Variants in PEX3 observed in about 807,000 individuals in gnomAD.
PEX3 encodes peroxisomal biogenesis factor 3, also known as peroxin-3.
Under a neutral mutation model 55.8 loss-of-function variants are expected in PEX3, and 30 were observed. That is an observed-to-expected ratio of 0.54 (90% CI 0.40 to 0.73). The LOEUF (loss-of-function observed/expected upper bound fraction) is 0.73, where lower values mean the gene tolerates loss of function less well. Among genes scored for constraint, PEX3 ranks in the 30% least tolerant of loss-of-function variants. The pLI, the probability that PEX3 is intolerant of heterozygous loss-of-function variation, is 0.00. For synonymous variants in PEX3, 135 were observed against 148.4 expected (o/e 0.91, Z 0.66); for missense variants, 351 against 432.8 (o/e 0.81, Z 1.68).
chr6:143,456,169 T>C (rs1336147333), intron 1 of PEX3, among the ~76,000 whole-genome samples: 1 of 152,204 alleles, frequency 6.6e-6, no homozygotes, highest in Non-Finnish European at 1.5e-5. Flanking sequence ...ATATTGAGGA[T>C]GAAGAAATTT....
At chr6:143,460,812 T>C (rs1452405956) in intron 2 of PEX3, among the ~76,000 whole-genome samples, 3 of 144,328 alleles carry the variant, frequency 2.1e-5, no homozygotes, top group African/African-American at 7.8e-5. Context: ...TGCGGTGAGC[T>C]GACATCACAC....
At chr6:143,474,458 C>CAA (rs569947921) in intron 8 of PEX3, among the ~76,000 whole-genome samples, 5 of 66,026 alleles carry the variant, frequency 7.6e-5, no homozygotes, top group Admixed American at 1.8e-4. Context: ...GACTCCGTCT[C>CAA]AAAAAAAAAA....
chr6:143,479,180 A>G lies in PEX3; in HGVS notation c.923A>G (p.His308Arg), dbSNP rs775058985. 24 of 1,605,892 alleles carry G rather than the reference A, an allele frequency of 1.5e-5. No individual in the cohort carries two copies. Among genetic ancestry groups the G allele is most frequent in the East Asian group, 6.7e-5 (3 of 44,740 alleles). Residue 308 changes from histidine (H) to arginine (R), a missense_variant, in exon 10 of 12, where the codon CAT becomes CGT. By Grantham distance (29) the His-to-Arg change is conservative. Transcript: ENST00000367591. The surrounding 1 kb of genome is among the most constrained non-coding windows in gnomAD (Gnocchi z 4.6). ...FFRPTEQDLQ[H>R]GNSMNSLSSV... ...CGACCTACTGAACAGGACCTGCAAC[A>G]TGGTAACTCTATGAATAGGTAAGAT...
rs762364732 is a variant in PEX3 at position 143,479,070 on chromosome 6, A to G, written c.819-6A>G. The stretch of plus-strand genomic sequence containing the variant: ...AAAAGTAACTTATACTTCTTACTTT[A>G]TATAGCCCAGATTTTAGTACAGTTT... On this transcript the variant is annotated splice_region_variant and splice_polypyrimidine_tract_variant and intron_variant, in intron 9 of 11. Transcript: ENST00000367591. This position sits in a 1 kb window ranked among gnomAD's most constrained non-coding sequence, Gnocchi z 4.6. 47 of 1,544,734 alleles carry G rather than the reference A, an allele frequency of 3.0e-5. 2 individuals are homozygous for G. In the South Asian group the frequency reaches 4.8e-4, roughly 16 times the overall value.
rs970842403 is a variant in PEX3, at chr6:143,458,263, T to C, written c.74-822T>C. On this transcript the variant is annotated intron_variant, in intron 1 of 11. Coordinates refer to ENST00000367591, the MANE Select transcript of PEX3 (RefSeq NM_003630.3). The surrounding 1 kb of genome is among the most constrained non-coding windows in gnomAD (Gnocchi z 6.1). ...ATCATACTGCCTATGCTGAAATCTG[T>C]TAAATCACAGGCCACATGACACCAC... Among the ~76,000 whole-genome samples, 1 of 152,176 alleles carries C rather than the reference T, an allele frequency of 6.6e-6. No homozygotes were observed. Among genetic ancestry groups the C allele is most frequent in the African/African-American group, 2.4e-5 (1 of 41,460 alleles).
In PEX3 at chr6:143,450,971, G is replaced by A. The variant is rs1779750288; in HGVS notation, c.-72G>A. ...CGCTCTTGCTGGGTCATCTGGGCCA[G>A]GTGACGAAGAAACAGTTTCCTGGTG... is the stretch of plus-strand genomic sequence containing the variant. On this transcript the variant is annotated 5_prime_UTR_variant, in exon 1 of 12. Transcript: ENST00000367591. 8.8e-7 allele frequency: 1 copy of A among 1,136,550 alleles called. No individual in the cohort carries two copies. Among genetic ancestry groups the A allele is most frequent in the African/African-American group, 1.5e-5 (1 of 65,930 alleles). 70.4% of individuals were successfully genotyped at this position (1,136,550 alleles called of 1,614,324 possible).
chr6:143,463,143 T>G lies in PEX3; in HGVS notation c.287+146T>G. 1 of 658,888 alleles carries G rather than the reference T, an allele frequency of 1.5e-6. No homozygotes were observed. The highest frequency in any genetic ancestry group is 2.7e-6 in the Non-Finnish European group (1 of 367,694). 40.8% of individuals were successfully genotyped at this position (658,888 alleles called of 1,614,324 possible). ...GTAAGAAAAATACTAACTATATCATTTAACCTACATTTAATTTTGTCTATG... is the reference window on the plus strand; with the variant it reads ...GTAAGAAAAATACTAACTATATCATGTAACCTACATTTAATTTTGTCTATG... On this transcript the variant is annotated intron_variant, in intron 3 of 11. Coordinates refer to ENST00000367591, the MANE Select transcript of PEX3 (RefSeq NM_003630.3). The surrounding 1 kb of genome is among the most constrained non-coding windows in gnomAD (Gnocchi z 5.7).
chr6:143,463,029 G>GTGTAGTGCTTAAA lies in PEX3; in HGVS notation c.287+32_287+33insTGTAGTGCTTAAA. The GTGTAGTGCTTAAA allele has an allele frequency of 6.9e-7, 1 of 1,450,674 alleles. No individual in the cohort carries two copies. Among genetic ancestry groups the GTGTAGTGCTTAAA allele is most frequent in the Non-Finnish European group, 9.7e-7 (1 of 1,030,912 alleles). 89.9% of individuals were successfully genotyped at this position (1,450,674 alleles called of 1,614,324 possible). A position where few individuals can be genotyped will look rare whatever the true frequency, so the allele number is the denominator to read the frequency against. ...GCAAGTTACAGCATTTTCTGTTTAA[G>GTGTAGTGCTTAAA]CACTACACTTAAAGTTTATAGAATG... On this transcript the variant is annotated intron_variant, in intron 3 of 11. Coordinates refer to ENST00000367591, the MANE Select transcript of PEX3 (RefSeq NM_003630.3). This position sits in a 1 kb window ranked among gnomAD's most constrained non-coding sequence, Gnocchi z 5.7.
intron 3 of PEX3, among the ~76,000 whole-genome samples, chr6:143,467,259 A>AT (rs1031646627): frequency 1.7e-4 from 26 of 152,076 alleles, no homozygotes; most frequent in Non-Finnish European, 3.5e-4. Flanking sequence ...GATCAATGAG[A>AT]TTAAGTTAAA....
chr6:143,484,232 T>C (rs1780283601), intron 10 of PEX3, among the ~76,000 whole-genome samples: 1 of 152,132 alleles, frequency 6.6e-6, no homozygotes, highest in Non-Finnish European at 1.5e-5. Context: ...ATGTATTCAT[T>C]TATGCATCCA....
At chr6:143,481,160 AT>A in intron 10 of PEX3, among the ~76,000 whole-genome samples, 1 of 148,604 alleles carries the variant, frequency 6.7e-6, no homozygotes, top group Non-Finnish European at 1.5e-5. Context: ...ATATATATAT[AT>A]ATATATATAA....
intron 10 of PEX3, among the ~76,000 whole-genome samples, chr6:143,480,248 A>G (rs1169596780): frequency 1.3e-5 from 2 of 152,218 alleles, no homozygotes; most frequent in African/African-American, 4.8e-5. Flanking sequence ...TATATACTGT[A>G]TAAATCAAGG....
intron 3 of PEX3, among the ~76,000 whole-genome samples, chr6:143,467,465 G>A (rs886525149): frequency 3.3e-5 from 5 of 152,120 alleles, no homozygotes; most frequent in East Asian, 1.9e-4. Context: ...ATTCTGCATC[G>A]AAGGTTTTGG....
chr6:143,467,893 T>G (rs1318278556), intron 3 of PEX3, among the ~76,000 whole-genome samples: 1 of 152,184 alleles, frequency 6.6e-6, no homozygotes, highest in African/African-American at 2.4e-5. Context: ...TATCTATACA[T>G]AACACTCAAG....
At position 143,490,545 on chromosome 6, in the gene PEX3, G is replaced by T; in HGVS notation, c.*1319G>T. On this transcript the variant is annotated 3_prime_UTR_variant, in exon 12 of 12. Transcript: ENST00000367591. This position sits in a 1 kb window ranked among gnomAD's most constrained non-coding sequence, Gnocchi z 6.0. Reference sequence around the variant, plus strand: ...TGTGCCACTCACATATGCTAATCTTGGCAAATCTGCCAAGCATGTCTTCAC... The same window carrying T: ...TGTGCCACTCACATATGCTAATCTTTGCAAATCTGCCAAGCATGTCTTCAC... The T allele has an allele frequency of 4.4e-6, 2 of 450,442 alleles. No individual in the cohort carries two copies. Among genetic ancestry groups the T allele is most frequent in the South Asian group, 4.9e-5 (2 of 40,866 alleles). 27.9% of individuals were successfully genotyped at this position (450,442 alleles called of 1,614,324 possible).
chr6:143,468,809 C>CCG (rs1780028729), intron 4 of PEX3, among the ~76,000 whole-genome samples: 3 of 72,892 alleles, frequency 4.1e-5, no homozygotes, highest in Non-Finnish European at 7.8e-5. Flanking sequence ...TATCCCCCCC[C>CCG]CCCCCACCCC....
At chr6:143,480,995 G>T (rs1667654951) in intron 10 of PEX3, among the ~76,000 whole-genome samples, 1 of 151,966 alleles carries the variant, frequency 6.6e-6, no homozygotes, top group African/African-American at 2.4e-5. Flanking sequence ...CTGGGCGAGG[G>T]AGTGAGACCC....
chr6:143,463,267 T>G lies in PEX3; in HGVS notation c.287+270T>G, dbSNP rs142003857. 0.014 allele frequency among the ~76,000 whole-genome samples: 2,153 copies of G among 152,346 alleles called. 22 individuals are homozygous for G. The highest frequency in any genetic ancestry group is 0.058 in the Middle Eastern group (17 of 294). On this transcript the variant is annotated intron_variant, in intron 3 of 11. Coordinates refer to ENST00000367591, the MANE Select transcript of PEX3 (RefSeq NM_003630.3). The surrounding 1 kb of genome is among the most constrained non-coding windows in gnomAD (Gnocchi z 5.7). ...AGCACTTTGAAATTGTTCACAAATT[T>G]AATTATGCAGTGCTTGTGAAATGTG... is the stretch of plus-strand genomic sequence containing the variant.
Position 143,453,935 on chromosome 6 carries a change from G to A in PEX3, c.73+2820G>A, listed in dbSNP as rs1476109204. Among the ~76,000 whole-genome samples the A allele has an allele frequency of 1.3e-5, 2 of 151,662 alleles. No homozygotes were observed. The highest frequency in any genetic ancestry group is 6.6e-5 in the Admixed American group (1 of 15,246). ...TTGACTCCCAAACTTTTTGATCTAA[G>A]GTCTCCTTTACACTCTGAAAAATTA... On this transcript the variant is annotated intron_variant, in intron 1 of 11. Coordinates refer to ENST00000367591, the MANE Select transcript of PEX3 (RefSeq NM_003630.3). This position sits in a 1 kb window ranked among gnomAD's most constrained non-coding sequence, Gnocchi z 4.6.
Sources: gnomAD v4.1 joint callset for allele counts (sites outside exome capture counted in the v4.1 genomes callset) on GRCh38, gnomAD v4.1.1 for gene constraint, Gnocchi (gnomAD v3.1) non-coding constraint, MANE v1.5 for transcripts, NCBI Gene and HGNC (gene_info 2026-07-23, HGNC 2026-07-21) for gene names.